The following COL21A1 variants were observed in gnomAD, a reference collection of about 807,000 sequenced individuals.
COL21A1 encodes the protein collagen type XXI alpha 1 chain, also known as collagen alpha-1(XXI) chain.
COL21A1 carries 149 observed loss-of-function variants against 137.9 expected under a neutral mutation model. The observed-to-expected ratio is 1.08, with a 90% confidence interval of 0.95 to 1.24. The LOEUF is 1.24. COL21A1 is among the 50% of genes most tolerant of loss of function. COL21A1 has a pLI of 0.00. For missense variants in COL21A1, 1,167 were observed against 1,158.4 expected (o/e 1.01, Z -0.11); for synonymous variants, 456 against 391.5 (o/e 1.16, Z -1.95).
chr6:56,184,243 A>T (rs1778115268), intron 1 of COL21A1, among the ~76,000 whole-genome samples: 1 of 152,182 alleles, frequency 6.6e-6, no homozygotes. Flanking sequence ...TATTCAATCA[A>T]CTGAAAATCA....
chr6:56,219,705 C>T (rs898361248), intron 1 of COL21A1, among the ~76,000 whole-genome samples: 4 of 152,084 alleles, frequency 2.6e-5, no homozygotes, highest in Non-Finnish European at 2.9e-5. Context: ...AATTATCATT[C>T]GTGATATCAT....
chr6:56,266,107 A>G (rs1582743258), intron 1 of COL21A1, among the ~76,000 whole-genome samples: 1 of 152,222 alleles, frequency 6.6e-6, no homozygotes, highest in East Asian at 1.9e-4. Flanking sequence ...TAACACAATT[A>G]TGACTTACAG....
In COL21A1 at chr6:56,367,110, T is replaced by C. The variant is rs187477919; in HGVS notation, c.-39+26861A>G. ...TCAGAAACATGTTAATTTAGTAGCT[T>C]TTCCATTTTAGTTAAAATCAACTTT... On this transcript the variant is annotated intron_variant, in intron 1 of 28. Coordinates refer to the COL21A1 transcript ENST00000370819. Among the ~76,000 whole-genome samples the C allele has an allele frequency of 2.5e-3, 380 of 152,332 alleles. 4 individuals carry two copies. Among genetic ancestry groups the C allele is most frequent in the Middle Eastern group, 0.01 (3 of 294 alleles).
chr6:56,363,475 G>A (rs1490951367), intron 1 of COL21A1, among the ~76,000 whole-genome samples: 4 of 152,168 alleles, frequency 2.6e-5, no homozygotes, highest in Non-Finnish European at 5.9e-5. Flanking sequence ...CAGGTCTTTG[G>A]ACTCATTTAG....
chr6:56,201,765 T>A (rs1582629244), intron 1 of COL21A1, among the ~76,000 whole-genome samples: 1 of 152,170 alleles, frequency 6.6e-6, no homozygotes, highest in African/African-American at 2.4e-5. Flanking sequence ...TAGAAGCTAT[T>A]GTCATAATTA....
At chr6:56,312,583 T>A (rs897118712) in intron 1 of COL21A1, among the ~76,000 whole-genome samples, 3 of 152,288 alleles carry the variant, frequency 2.0e-5, no homozygotes, top group Non-Finnish European at 2.9e-5. Context: ...GGTACTTAGA[T>A]ACTTAGCTCA....
intron 13 of COL21A1, 102 bp from the exon 14 acceptor site, chr6:56,125,722 G>A (rs1582425108): frequency 5.9e-6 from 4 of 675,978 alleles, no homozygotes; most frequent in South Asian, 3.2e-5. Context: ...TATGCCAAAA[G>A]CAAAACAAAA....
chr6:56,167,098 C>A, intron 6 of COL21A1, 115 bp from the exon 7 acceptor site: 1 of 722,762 alleles, frequency 1.4e-6, no homozygotes, highest in Non-Finnish European at 2.4e-6. Flanking sequence ...AGGTTTACAT[C>A]ACAGCATTTA....
intron 1 of COL21A1, among the ~76,000 whole-genome samples, chr6:56,189,759 A>G (rs1010652447): frequency 2.0e-5 from 3 of 152,240 alleles, no homozygotes; most frequent in Non-Finnish European, 4.4e-5. Flanking sequence ...CATCAGGCTA[A>G]CAGTGGATCT....
chr6:56,140,292 G>C (rs1403753716), intron 12 of COL21A1, among the ~76,000 whole-genome samples: 1 of 152,078 alleles, frequency 6.6e-6, no homozygotes, highest in Non-Finnish European at 1.5e-5. Context: ...TATTCCTTTT[G>C]ATTTTGCAAA....
chr6:56,063,142 G>A (rs1249112526), intron 24 of COL21A1, among the ~76,000 whole-genome samples: 1 of 152,076 alleles, frequency 6.6e-6, no homozygotes, highest in Non-Finnish European at 1.5e-5. Flanking sequence ...AACCAATCTA[G>A]GGCAGAAGCT....
chr6:56,162,996 T>A (rs1345350131), intron 9 of COL21A1, among the ~76,000 whole-genome samples: 1 of 152,234 alleles, frequency 6.6e-6, no homozygotes, highest in Non-Finnish European at 1.5e-5. Context: ...AGAGATTTAC[T>A]TTGAATGACA....
intron 1 of COL21A1, among the ~76,000 whole-genome samples, chr6:56,390,318 A>G (rs963647508): frequency 6.6e-6 from 1 of 152,178 alleles, no homozygotes; most frequent in African/African-American, 2.4e-5. Context: ...ATAACCACAA[A>G]ATGAAAACAT....
chr6:56,261,193 C>A (rs535523168), intron 1 of COL21A1, among the ~76,000 whole-genome samples: 9 of 152,182 alleles, frequency 5.9e-5, no homozygotes, highest in Admixed American at 3.3e-4. Flanking sequence ...GTCATCCTGG[C>A]ACTCACTAGC....
intron 1 of COL21A1, among the ~76,000 whole-genome samples, chr6:56,221,260 G>A (rs1275630820): frequency 6.6e-6 from 1 of 152,056 alleles, no homozygotes; most frequent in Non-Finnish European, 1.5e-5. Flanking sequence ...AGAAATCACT[G>A]ATTTAGTCAA....
intron 10 of COL21A1, among the ~76,000 whole-genome samples, chr6:56,147,109 G>A (rs747012573): frequency 1.4e-4 from 22 of 152,178 alleles, no homozygotes; most frequent in Non-Finnish European, 1.8e-4. Flanking sequence ...TATTTCAAAA[G>A]GAGAATGTAC....
rs114030201 is a variant in COL21A1 at position 56,265,079 on chromosome 6, C to T, written c.-38-82423G>A. On this transcript the variant is annotated intron_variant, in intron 1 of 28. Coordinates refer to the COL21A1 transcript ENST00000370819. The stretch of plus-strand genomic sequence containing the variant: ...TACATGGAGATCTTTTGGATTTTCT[C>T]ACTGTGCTTATTTGAGCAGGAGGAG... 6.1e-3 allele frequency among the ~76,000 whole-genome samples: 935 copies of T among 152,308 alleles called. 13 individuals carry two copies. The highest frequency in any genetic ancestry group is 0.021 in the African/African-American group (868 of 41,556).
At chr6:56,143,361 C>A (rs569359125) in intron 10 of COL21A1, among the ~76,000 whole-genome samples, 1 of 151,812 alleles carries the variant, frequency 6.6e-6, no homozygotes, top group African/African-American at 2.4e-5. Flanking sequence ...CCACCACACC[C>A]AGCTAATTTT....
At chr6:56,387,188 C>T (rs2094019726) in intron 1 of COL21A1, among the ~76,000 whole-genome samples, 1 of 152,192 alleles carries the variant, frequency 6.6e-6, no homozygotes, top group African/African-American at 2.4e-5. Flanking sequence ...TCATTATTTA[C>T]AAATTAATTG....
Sources: gnomAD v4.1 joint callset for allele counts (sites outside exome capture counted in the v4.1 genomes callset) on GRCh38, gnomAD v4.1.1 for gene constraint, MANE v1.5 for transcripts, NCBI Gene and HGNC (gene_info 2026-07-23, HGNC 2026-07-21) for gene names.